Variants in CAST observed in about 807,000 individuals in gnomAD.
CAST encodes MIR583 host.
Under a neutral mutation model 119.6 loss-of-function variants are expected in CAST, and 76 were observed. The ratio of observed to expected loss-of-function variants is 0.64; its 90% CI spans 0.53 to 0.77. CAST has a LOEUF of 0.77. Ranked by LOEUF, CAST falls within the 30% of genes least tolerant of loss-of-function variation. The probability of loss-of-function intolerance (pLI) is 0.00; values close to 1 mark genes in which losing one functional copy is unlikely to be tolerated. For synonymous variants in CAST, 319 were observed against 331.6 expected (o/e 0.96, Z 0.41); for missense variants, 953 against 946.5 (o/e 1.01, Z -0.09).
chr5:96,545,144 T>C (rs1416694646), intron 1 of CAST: 1 of 152,230 alleles, frequency 6.6e-6, no homozygotes, highest in African/African-American at 2.4e-5. Context: ...CTGTCTTTTG[T>C]TGTCTGATGT....
At chr5:96,652,339 G>A (rs552013345) in intron 1 of CAST, among the ~76,000 whole-genome samples, 33 of 152,258 alleles carry the variant, frequency 2.2e-4, no homozygotes, top group Non-Finnish European at 4.7e-4. Flanking sequence ...AATAACACAC[G>A]TTAGGGAAAA....
chr5:96,239,892 C>T, the CAST span, among the ~76,000 whole-genome samples: 33 of 151,886 alleles, frequency 2.2e-4, no homozygotes, highest in East Asian at 5.8e-3. Context: ...TATAATTTTG[C>T]GTCTTTTGGA....
intron 1 of CAST, chr5:96,584,681 AAGAAGCTGGGGTCATTAGAATCC>A (rs147111967): frequency 0.093 from 14,183 of 152,230 alleles, 744 homozygotes; most frequent in Non-Finnish European, 0.13. Context: ...AAACACAGGG[AAGAAGCTGGGGTCATTAGAATCC>A]AGAAGTTTAG....
intron 4 of CAST, among the ~76,000 whole-genome samples, chr5:96,724,690 G>A (rs554770911): frequency 2.6e-4 from 39 of 152,054 alleles, no homozygotes; most frequent in African/African-American, 8.7e-4. Context: ...AGGTGTGGTG[G>A]TTTACTCCTG....
At chr5:96,513,644 C>T in the CAST span, among the ~76,000 whole-genome samples, 57,350 of 152,030 alleles carry the variant, frequency 0.38, 11,087 homozygotes, top group East Asian at 0.56. Context: ...ATGGTAGTTA[C>T]TCGGCTCCAC....
intron 16 of CAST, 47 bp downstream of exon 16, chr5:96,742,803 A>G: frequency 3.1e-6 from 4 of 1,304,412 alleles, no homozygotes; most frequent in Non-Finnish European, 4.4e-6. Flanking sequence ...TCTGCACATT[A>G]CAAAACCGAA....
the CAST span, chr5:96,425,909 A>T: frequency 6.2e-7 from 1 of 1,610,392 alleles, no homozygotes; most frequent in South Asian, 1.1e-5. Flanking sequence ...TCTTTTTCAT[A>T]CTGTTGTTCA....
the CAST span, among the ~76,000 whole-genome samples, chr5:96,179,647 T>G: frequency 2.0e-5 from 3 of 151,906 alleles, no homozygotes; most frequent in Admixed American, 1.3e-4. Flanking sequence ...GAGGGAGGAA[T>G]AGGACAAAGC....
chr5:96,080,222 G>A, the CAST span, among the ~76,000 whole-genome samples: 23 of 152,212 alleles, frequency 1.5e-4, no homozygotes, highest in African/African-American at 5.5e-4. Context: ...GGCATTAAAG[G>A]ACCTAACAGA....
chr5:96,074,617 TG>T, the CAST span, among the ~76,000 whole-genome samples: 1 of 152,176 alleles, frequency 6.6e-6, no homozygotes, highest in African/African-American at 2.4e-5. Context: ...CTAGTACAGG[TG>T]GGAAGTTTCC....
At chr5:96,272,669 G>A in the CAST span, among the ~76,000 whole-genome samples, 2 of 152,104 alleles carry the variant, frequency 1.3e-5, no homozygotes, top group Non-Finnish European at 2.9e-5. Flanking sequence ...GAAGAAATAA[G>A]ATGTAGTGTT....
the CAST span, among the ~76,000 whole-genome samples, chr5:96,446,825 G>C: frequency 6.6e-6 from 1 of 152,164 alleles, no homozygotes; most frequent in East Asian, 1.9e-4. Context: ...TAGAAAAAAA[G>C]AGTTACCTTG....
At chr5:96,341,645 A>G in the CAST span, among the ~76,000 whole-genome samples, 1 of 152,036 alleles carries the variant, frequency 6.6e-6, no homozygotes, top group African/African-American at 2.4e-5. Flanking sequence ...CTTTCTTTAG[A>G]TTAAACTTTC....
At chr5:96,310,623 T>C in the CAST span, among the ~76,000 whole-genome samples, 138 of 151,778 alleles carry the variant, frequency 9.1e-4, no homozygotes, top group Non-Finnish European at 1.5e-3. Context: ...TCATTATTGG[T>C]TTATTCAGAT....
intron 1 of CAST, 79 bp from the exon 2 acceptor site, chr5:96,675,460 C>A: frequency 1.0e-6 from 1 of 959,804 alleles, no homozygotes; most frequent in Non-Finnish European, 1.7e-6. Flanking sequence ...AAAGGGTATG[C>A]ATTTAGCCTT....
the CAST span, among the ~76,000 whole-genome samples, chr5:96,305,135 G>GT: frequency 2.0e-5 from 3 of 152,110 alleles, no homozygotes; most frequent in East Asian, 5.8e-4. Context: ...TTGAGTAGTG[G>GT]TTTGTAGTTC....
chr5:96,425,956 A>T, the CAST span: 1 of 1,365,030 alleles, frequency 7.3e-7, no homozygotes, highest in Non-Finnish European at 1.0e-6. Flanking sequence ...TAGCAAGAAA[A>T]TCAAAAGTCA....
chr5:95,980,396 A>G, the CAST span: 1 of 152,140 alleles, frequency 6.6e-6, no homozygotes, highest in Non-Finnish European at 1.5e-5. Context: ...TTTGGTACCC[A>G]TTAGAGTTCA....
At chr5:96,722,616 C>G in intron 3 of CAST, 23 bp from the exon 4 acceptor site, 1 of 1,584,886 alleles carries the variant, frequency 6.3e-7, no homozygotes, top group Non-Finnish European at 8.7e-7. Context: ...ATCGAACTTT[C>G]TATTTCTTTC....
Sources: allele counts gnomAD v4.1 joint callset (sites outside exome capture counted in the v4.1 genomes callset), GRCh38; gene constraint gnomAD v4.1.1; transcripts MANE v1.5; gene names NCBI Gene and HGNC (gene_info 2026-07-23, HGNC 2026-07-21).